Variants in B3GAT2 observed in about 807,000 individuals in gnomAD.
The protein encoded by B3GAT2 is beta-1,3-glucuronyltransferase 2, also known as galactosylgalactosylxylosylprotein 3-beta-glucuronosyltransferase 2.
In B3GAT2, 26 loss-of-function variants were observed where a neutral mutation model predicts 27.8. The ratio of observed to expected loss-of-function variants is 0.93; its 90% CI spans 0.68 to 1.30. The LOEUF (loss-of-function observed/expected upper bound fraction) is 1.30, where lower values mean the gene tolerates loss of function less well. B3GAT2 is among the 50% of genes most tolerant of loss of function. The pLI is 0.00. For missense variants in B3GAT2, 458 were observed against 459.0 expected, an observed-to-expected ratio of 1.00 and a Z score of 0.02; for synonymous variants, 218 against 195.1, an observed-to-expected ratio of 1.12 and a Z score of -0.98.
intron 1 of B3GAT2, among the ~76,000 whole-genome samples, chr6:70,925,516 C>T (rs1031442018): frequency 6.6e-5 from 10 of 152,340 alleles, no homozygotes; most frequent in African/African-American, 2.2e-4. Flanking sequence ...CCTGGCTCGG[C>T]GGTTCCCACA....
intron 1 of B3GAT2, among the ~76,000 whole-genome samples, chr6:70,904,927 A>AT (rs1159486843): frequency 5.3e-5 from 8 of 152,258 alleles, no homozygotes; most frequent in African/African-American, 1.9e-4. Flanking sequence ...TGGCATCACC[A>AT]TAAAAAAAAA....
At chr6:70,895,988 C>G (rs561716305) in intron 1 of B3GAT2, among the ~76,000 whole-genome samples, 4 of 152,142 alleles carry the variant, frequency 2.6e-5, no homozygotes, top group Admixed American at 6.5e-5. Context: ...ATTTCCTACC[C>G]TTATAAGGTT....
At chr6:70,954,919 G>GGGA (rs1016430880) in intron 1 of B3GAT2, among the ~76,000 whole-genome samples, 1 of 151,648 alleles carries the variant, frequency 6.6e-6, no homozygotes, top group Non-Finnish European at 1.5e-5. Context: ...GGGCGGCGGG[G>GGGA]GGGGGCGGTG....
chr6:70,927,183 A>C (rs2150044192), intron 1 of B3GAT2, among the ~76,000 whole-genome samples: 1 of 152,342 alleles, frequency 6.6e-6, no homozygotes, highest in African/African-American at 2.4e-5. Flanking sequence ...GAAGAACTAA[A>C]CATGGAAAGG....
At chr6:70,870,781 G>A (rs892113168) in intron 2 of B3GAT2, among the ~76,000 whole-genome samples, 1 of 152,216 alleles carries the variant, frequency 6.6e-6, no homozygotes, top group Non-Finnish European at 1.5e-5. Context: ...GTGCAATGGT[G>A]TATACAAATG....
chr6:70,906,070 T>C (rs1237619410), intron 1 of B3GAT2, among the ~76,000 whole-genome samples: 1 of 152,164 alleles, frequency 6.6e-6, no homozygotes, highest in Non-Finnish European at 1.5e-5. Context: ...CCCAAAGACC[T>C]CTGCTCTAGT....
At chr6:70,890,715 C>A (rs1772274165) in intron 2 of B3GAT2, among the ~76,000 whole-genome samples, 1 of 152,192 alleles carries the variant, frequency 6.6e-6, no homozygotes. Flanking sequence ...TTGTTGGAGA[C>A]TGTGCCCTCT....
At chr6:70,898,519 A>C (rs532507192) in intron 1 of B3GAT2, among the ~76,000 whole-genome samples, 1 of 152,338 alleles carries the variant, frequency 6.6e-6, no homozygotes, top group Non-Finnish European at 1.5e-5. Flanking sequence ...GTTAAACCTA[A>C]TACATACTTT....
intron 2 of B3GAT2, among the ~76,000 whole-genome samples, chr6:70,880,386 A>G (rs1333356064): frequency 6.6e-6 from 1 of 152,208 alleles, no homozygotes; most frequent in Non-Finnish European, 1.5e-5. Flanking sequence ...GGAGGCACAG[A>G]GAGGCTAAGT....
At position 70,956,597 on chromosome 6, in the gene B3GAT2, G is replaced by A; in HGVS notation, c.-168C>T. The A allele has an allele frequency of 1.4e-6, 2 of 1,438,416 alleles. No homozygotes were observed. The highest frequency in any genetic ancestry group is 1.8e-6 in the Non-Finnish European group (2 of 1,102,882). The allele number at this position is 1,438,416 out of a possible 1,614,324, so 89.1% of individuals were successfully genotyped here. On this transcript the variant is annotated 5_prime_UTR_variant, in exon 1 of 4. Transcript: ENST00000230053. ...CTGGAGCCGCGGGGCTCACTACCTG[G>A]GCGTGGAGGAGCGGCAGGTTCGCGC...
intron 1 of B3GAT2, among the ~76,000 whole-genome samples, chr6:70,906,217 G>A (rs1248167495): frequency 6.6e-6 from 1 of 152,160 alleles, no homozygotes; most frequent in African/African-American, 2.4e-5. Context: ...AAAGCACTTA[G>A]ACATTCTTAA....
At chr6:70,926,150 C>G (rs1291895099) in intron 1 of B3GAT2, among the ~76,000 whole-genome samples, 1 of 152,120 alleles carries the variant, frequency 6.6e-6, no homozygotes, top group African/African-American at 2.4e-5. Flanking sequence ...AAAGGACATC[C>G]ACACCAAAAC....
At chr6:70,925,331 C>G (rs958341260) in intron 1 of B3GAT2, among the ~76,000 whole-genome samples, 1 of 152,180 alleles carries the variant, frequency 6.6e-6, no homozygotes, top group Non-Finnish European at 1.5e-5. Context: ...GGAGTGTGAG[C>G]CAAAGTAGGG....
chr6:70,926,889 T>C (rs986295302), intron 1 of B3GAT2, among the ~76,000 whole-genome samples: 1 of 151,810 alleles, frequency 6.6e-6, no homozygotes, highest in South Asian at 2.1e-4. Context: ...TTCACCAAGG[T>C]TGAAATGAAG....
At chr6:70,898,568 A>G (rs578237040) in intron 1 of B3GAT2, among the ~76,000 whole-genome samples, 1 of 152,356 alleles carries the variant, frequency 6.6e-6, no homozygotes, top group African/African-American at 2.4e-5. Context: ...TAAGGCAATA[A>G]CAATAGTACT....
chr6:70,886,157 G>A (rs567709327), intron 2 of B3GAT2, among the ~76,000 whole-genome samples: 1 of 152,320 alleles, frequency 6.6e-6, no homozygotes, highest in African/African-American at 2.4e-5. Flanking sequence ...CAGGCTCAGA[G>A]ACCAAGAACT....
At chr6:70,925,565 G>T (rs1277070230) in intron 1 of B3GAT2, among the ~76,000 whole-genome samples, 2 of 152,224 alleles carry the variant, frequency 1.3e-5, no homozygotes, top group Non-Finnish European at 2.9e-5. Flanking sequence ...AGCAGTCCGA[G>T]ATCAAACTGC....
intron 2 of B3GAT2, among the ~76,000 whole-genome samples, chr6:70,867,621 A>G (rs1336818628): frequency 6.6e-6 from 1 of 152,180 alleles, no homozygotes; most frequent in Non-Finnish European, 1.5e-5. Flanking sequence ...ATGAAGAAAT[A>G]GATAATGTGA....
intron 1 of B3GAT2, among the ~76,000 whole-genome samples, chr6:70,896,968 T>A (rs1233041730): frequency 6.6e-6 from 1 of 152,198 alleles, no homozygotes. Context: ...TACATTTAAC[T>A]TTTTCAGAAA....
Sources: allele counts gnomAD v4.1 joint callset (sites outside exome capture counted in the v4.1 genomes callset), GRCh38; gene constraint gnomAD v4.1.1; transcripts MANE v1.5; gene names NCBI Gene and HGNC (gene_info 2026-07-23, HGNC 2026-07-21).